PCDHA6: variants seen among roughly 807,000 people sequenced by gnomAD.
PCDHA6 encodes the protein protocadherin alpha-6.
A neutral mutation model predicts 60.3 loss-of-function variants in PCDHA6; 55 were observed. The ratio of observed to expected loss-of-function variants is 0.91; its 90% CI spans 0.73 to 1.14. The LOEUF (loss-of-function observed/expected upper bound fraction) is 1.14. Among genes scored for constraint, PCDHA6 ranks in the 50% most tolerant of loss-of-function variants. The pLI is 0.00. For missense variants in PCDHA6, 1,327 were observed against 1,256.5 expected (o/e 1.06, Z -0.85); for synonymous variants, 652 against 557.9 (o/e 1.17, Z -2.38).
At chr5:140,993,462 TCACACACA>T (rs3836747) in intron 3 of PCDHA6, among the ~76,000 whole-genome samples, 8,792 of 140,974 alleles carry the variant, frequency 0.062, 316 homozygotes, top group South Asian at 0.11. Flanking sequence ...TCTTTCTTTC[TCACACACA>T]CACACACACA....
chr5:140,859,194 A>G (rs1412348145), intron 1 of PCDHA6: 1 of 149,838 alleles, frequency 6.7e-6, no homozygotes, highest in African/African-American at 2.4e-5. Context: ...ATTGCTTATG[A>G]TATTCAGGTA....
chr5:140,856,591 T>G (rs1554148896), intron 1 of PCDHA6: 1 of 1,597,268 alleles, frequency 6.3e-7, no homozygotes, highest in African/African-American at 1.3e-5. Flanking sequence ...TTCTTGATAT[T>G]ATAAACAAAA....
At chr5:140,953,554 A>C (rs1554220985) in intron 1 of PCDHA6, among the ~76,000 whole-genome samples, 2 of 152,044 alleles carry the variant, frequency 1.3e-5, no homozygotes, top group Non-Finnish European at 2.9e-5. Flanking sequence ...TCTTTTCTCC[A>C]AGTTTTAGTG....
At chr5:141,000,361 G>GTC (rs148596731) in intron 3 of PCDHA6, among the ~76,000 whole-genome samples, 441 of 26,430 alleles carry the variant, frequency 0.017, 8 homozygotes, top group Non-Finnish European at 0.02. Flanking sequence ...GTCTCTCTCT[G>GTC]TCTCTCTCTC....
intron 1 of PCDHA6, among the ~76,000 whole-genome samples, chr5:140,974,079 G>A (rs1554235799): frequency 6.6e-6 from 1 of 152,180 alleles, no homozygotes. Flanking sequence ...CTATAACCAT[G>A]ACTTCAAAAA....
intron 1 of PCDHA6, chr5:140,850,952 A>G (rs890565160): frequency 1.3e-6 from 2 of 1,495,360 alleles, no homozygotes; most frequent in South Asian, 1.3e-5. Context: ...ATTATCGATT[A>G]CTCCCAGGGG....
chr5:140,927,366 A>G (rs782348018), intron 1 of PCDHA6: 29 of 1,614,088 alleles, frequency 1.8e-5, no homozygotes, highest in Admixed American at 1.7e-4. Context: ...GCAATGGGAT[A>G]CTAAGCTACA....
chr5:140,869,677 C>T, intron 1 of PCDHA6: 1 of 1,613,420 alleles, frequency 6.2e-7, no homozygotes, highest in Non-Finnish European at 8.5e-7. Flanking sequence ...GATTAAAAGA[C>T]TGTCACTTAT....
chr5:140,862,466 CA>C, intron 1 of PCDHA6: 1 of 371,398 alleles, frequency 2.7e-6, no homozygotes. Context: ...ACCAAGAGAG[CA>C]AATCTATCCA....
chr5:140,976,553 A>C (rs1554237789), intron 1 of PCDHA6, among the ~76,000 whole-genome samples: 1 of 152,074 alleles, frequency 6.6e-6, no homozygotes, highest in African/African-American at 2.4e-5. Flanking sequence ...CCTATCTCAT[A>C]AATAAATAAA....
At chr5:140,850,834 C>G in intron 1 of PCDHA6, 1 of 1,597,920 alleles carries the variant, frequency 6.3e-7, no homozygotes, top group South Asian at 1.1e-5. Flanking sequence ...TCTCCTTGTG[C>G]TGGATCTACA....
intron 1 of PCDHA6, among the ~76,000 whole-genome samples, chr5:140,892,451 C>A (rs782296222): frequency 1.2e-4 from 19 of 152,128 alleles, no homozygotes; most frequent in Non-Finnish European, 2.5e-4. Flanking sequence ...TACATGTATT[C>A]TTTAAGTACG....
At chr5:140,972,729 T>G (rs574244702) in intron 1 of PCDHA6, among the ~76,000 whole-genome samples, 47 of 147,600 alleles carry the variant, frequency 3.2e-4, no homozygotes, top group African/African-American at 1.1e-3. Context: ...AGTGGCGTAA[T>G]CCCGGCTCAC....
At chr5:140,886,368 C>T (rs1174734883) in intron 1 of PCDHA6, among the ~76,000 whole-genome samples, 2 of 152,040 alleles carry the variant, frequency 1.3e-5, no homozygotes, top group South Asian at 4.1e-4. Context: ...GGTGTACATG[C>T]CATGGTGTGC....
intron 1 of PCDHA6, among the ~76,000 whole-genome samples, chr5:140,963,050 G>C (rs2095732681): frequency 2.6e-5 from 4 of 152,030 alleles, no homozygotes; most frequent in Admixed American, 2.6e-4. Flanking sequence ...AGTCTATAAG[G>C]GTTTCTACAT....
chr5:140,987,563 T>C (rs2097259374), intron 3 of PCDHA6, among the ~76,000 whole-genome samples: 1 of 152,226 alleles, frequency 6.6e-6, no homozygotes, highest in Non-Finnish European at 1.5e-5. Context: ...ATTCTCAGTT[T>C]CTTTCTCTAT....
rs147906609 is a variant in PCDHA6 at position 140,848,609 on chromosome 5, A to G, written c.2394+18124A>G. The G allele has an allele frequency of 2.9e-3, 4,585 of 1,584,560 alleles. 516 individuals carry two copies. Among genetic ancestry groups the G allele is most frequent in the Middle Eastern group, 0.01 (58 of 5,734 alleles). On this transcript the variant is annotated intron_variant, in intron 1 of 3. Coordinates refer to ENST00000529310, the MANE Select transcript of PCDHA6 (RefSeq NM_018909.4). ...AGCTCCACTACTCCGTCCCGGAGGAAGCCGAACACGGCACCTTCGTGGGCC... is the reference window on the plus strand; with the variant it reads ...AGCTCCACTACTCCGTCCCGGAGGAGGCCGAACACGGCACCTTCGTGGGCC...
At position 140,828,141 on chromosome 5, in the gene PCDHA6, C is replaced by T. The variant is rs2150151318; in HGVS notation, c.50C>T (p.Pro17Leu). 8.7e-6 allele frequency: 14 copies of T among 1,613,956 alleles called. No individual in the cohort carries two copies. In the South Asian group the frequency reaches 1.4e-4, roughly 16 times the overall value. The change falls in exon 1 of 4, where the codon CCG becomes CTG. Residue 17 changes from proline to leucine, a missense_variant. Physicochemically the swap from Pro to Leu is moderately conservative, Grantham distance 98. Coordinates refer to ENST00000529310, the MANE Select transcript of PCDHA6 (RefSeq NM_018909.4). ...TTGGGAAAGCAATGTCTGCTCCTCC[C>T]GCTTCTGCTCCTCGCAGCCTGGAAG... The part of the protein sequence containing the change: ...DRLGKQCLLL[P>L]LLLLAAWKVG...
intron 3 of PCDHA6, among the ~76,000 whole-genome samples, chr5:141,005,634 G>A (rs782404455): frequency 4.8e-5 from 7 of 146,670 alleles, no homozygotes; most frequent in Middle Eastern, 3.6e-3. Flanking sequence ...CCCGGGAGGC[G>A]GAGCTTGCAG....
Sources: gnomAD v4.1 joint callset for allele counts (sites outside exome capture counted in the v4.1 genomes callset) on GRCh38, gnomAD v4.1.1 for gene constraint, MANE v1.5 for transcripts, NCBI Gene and HGNC (gene_info 2026-07-23, HGNC 2026-07-21) for gene names.